COMMD1: variants seen among roughly 807,000 people sequenced by gnomAD.
The protein encoded by COMMD1 is copper metabolism domain containing 1.
Under a neutral mutation model 17.2 loss-of-function variants are expected in COMMD1, and 10 were observed. The ratio of observed to expected loss-of-function variants is 0.58; its 90% CI spans 0.36 to 0.99. The LOEUF is 0.99. Among genes scored for constraint, COMMD1 ranks in the 50% least tolerant of loss-of-function variants. The probability of loss-of-function intolerance (pLI) is 0.01; values close to 1 mark genes in which losing one functional copy is unlikely to be tolerated. For missense variants in COMMD1, 270 were observed against 231.8 expected (o/e 1.17, Z -1.07); for synonymous variants, 97 against 91.6 (o/e 1.06, Z -0.34).
intron 1 of COMMD1, among the ~76,000 whole-genome samples, chr2:61,889,238 G>A (rs1239857920): frequency 3.9e-5 from 4 of 102,122 alleles, no homozygotes; most frequent in African/African-American, 1.6e-4. Context: ...ACAGAGTCTC[G>A]CTCTGTCGTC....
intron 2 of COMMD1, among the ~76,000 whole-genome samples, chr2:62,005,092 AC>A (rs977551523): frequency 2.0e-5 from 3 of 152,058 alleles, no homozygotes; most frequent in Non-Finnish European, 2.9e-5. Context: ...CTCAGACCTT[AC>A]CCCCAGCCAA....
chr2:62,030,022 T>G (rs79378106), intron 2 of COMMD1, among the ~76,000 whole-genome samples: 1,845 of 152,362 alleles, frequency 0.012, 42 homozygotes, highest in African/African-American at 0.043. Context: ...TGGACAGCCA[T>G]GTAGAAACAT....
At chr2:61,951,872 T>A (rs1671063517) in intron 1 of COMMD1, among the ~76,000 whole-genome samples, 1 of 152,266 alleles carries the variant, frequency 6.6e-6, no homozygotes, top group Non-Finnish European at 1.5e-5. Context: ...TAGAGTTTTA[T>A]ATAAATGGAA....
chr2:62,113,366 A>G (rs1672508825), intron 2 of COMMD1, among the ~76,000 whole-genome samples: 1 of 151,926 alleles, frequency 6.6e-6, no homozygotes, highest in Non-Finnish European at 1.5e-5. Flanking sequence ...AAATATATAT[A>G]TATGTATATG....
chr2:61,922,779 A>T (rs1670231844), intron 1 of COMMD1, among the ~76,000 whole-genome samples: 2 of 152,356 alleles, frequency 1.3e-5, no homozygotes, highest in South Asian at 2.1e-4. Context: ...CTTCTGGCCA[A>T]AGATTGTATA....
chr2:61,974,671 C>CAAA (rs1276306424), intron 1 of COMMD1, among the ~76,000 whole-genome samples: 1 of 52,282 alleles, frequency 1.9e-5, no homozygotes, highest in Non-Finnish European at 4.0e-5. Context: ...GACTCCATCT[C>CAAA]AAAAAAAAAA....
At chr2:61,894,014 T>C (rs1669499539) in intron 1 of COMMD1, among the ~76,000 whole-genome samples, 1 of 152,136 alleles carries the variant, frequency 6.6e-6, no homozygotes, top group African/African-American at 2.4e-5. Context: ...ACTCTTATGA[T>C]TGTGCCTGTG....
At chr2:62,130,124 G>C (rs1257439563) in intron 2 of COMMD1, among the ~76,000 whole-genome samples, 3 of 148,176 alleles carry the variant, frequency 2.0e-5, no homozygotes, top group Non-Finnish European at 3.0e-5. Flanking sequence ...GCAATGAGCC[G>C]AGATCGCGCC....
intron 2 of COMMD1, among the ~76,000 whole-genome samples, chr2:62,024,692 TTAATG>T (rs527584427): frequency 6.8e-4 from 104 of 152,336 alleles, no homozygotes; most frequent in African/African-American, 2.3e-3. Context: ...CCTTATGTAA[TTAATG>T]TAAGCTACCT....
chr2:61,919,509 A>G (rs1670132417), intron 1 of COMMD1, among the ~76,000 whole-genome samples: 1 of 148,292 alleles, frequency 6.7e-6, no homozygotes, highest in Non-Finnish European at 1.5e-5. Flanking sequence ...TTTTGTAGAG[A>G]CAGGGTTTTG....
At chr2:61,924,645 A>G (rs1670281121) in intron 1 of COMMD1, among the ~76,000 whole-genome samples, 1 of 152,176 alleles carries the variant, frequency 6.6e-6, no homozygotes, top group African/African-American at 2.4e-5. Flanking sequence ...GCCTGAACAT[A>G]AGGAATCTCA....
At chr2:62,082,255 A>G (rs1336346271) in intron 2 of COMMD1, among the ~76,000 whole-genome samples, 1 of 152,232 alleles carries the variant, frequency 6.6e-6, no homozygotes, top group Non-Finnish European at 1.5e-5. Context: ...TTCTAAATGC[A>G]TACATACTTT....
In COMMD1 at chr2:62,078,910, A is replaced by G. The variant is rs567841402; in HGVS notation, c.463-56921A>G. 3.3e-5 allele frequency among the ~76,000 whole-genome samples: 5 copies of G among 152,168 alleles called. No homozygotes were observed. The South Asian group carries it at 8.3e-4, about 25-fold the overall frequency. On this transcript the variant is annotated intron_variant, in intron 2 of 2. Coordinates refer to ENST00000311832, the MANE Select transcript of COMMD1 (RefSeq NM_152516.4). ...AAAAAAAAAAGAATTGTGGTGACCAAAGTTTTTATTTGCAGAGGAAGCCTT... is the reference window on the plus strand; with the variant it reads ...AAAAAAAAAAGAATTGTGGTGACCAGAGTTTTTATTTGCAGAGGAAGCCTT...
chr2:62,132,963 A>AT (rs1487424475), intron 2 of COMMD1, among the ~76,000 whole-genome samples: 3 of 152,224 alleles, frequency 2.0e-5, no homozygotes, highest in Non-Finnish European at 2.9e-5. Context: ...TTTGTCATAA[A>AT]TCTGCTTTTC....
chr2:61,942,528 A>G (rs1008733512), intron 1 of COMMD1, among the ~76,000 whole-genome samples: 1 of 144,796 alleles, frequency 6.9e-6, no homozygotes, highest in Non-Finnish European at 1.5e-5. Flanking sequence ...GGGGTGAGCC[A>G]CTGTGCCTGG....
intron 1 of COMMD1, among the ~76,000 whole-genome samples, chr2:61,895,018 C>T (rs1669524501): frequency 6.6e-6 from 1 of 152,030 alleles, no homozygotes; most frequent in Non-Finnish European, 1.5e-5. Context: ...TAAAATAGTA[C>T]CATGAGGATG....
chr2:61,891,368 T>C (rs1315448009), intron 1 of COMMD1, among the ~76,000 whole-genome samples: 1 of 152,228 alleles, frequency 6.6e-6, no homozygotes, highest in Non-Finnish European at 1.5e-5. Context: ...AGTAAATAAA[T>C]GTTAAACATC....
intron 2 of COMMD1, among the ~76,000 whole-genome samples, chr2:62,080,128 G>A (rs1021704896): frequency 2.6e-5 from 4 of 152,050 alleles, no homozygotes; most frequent in Non-Finnish European, 5.9e-5. Flanking sequence ...ATATGCTTCC[G>A]AAGAATGTCC....
intron 2 of COMMD1, among the ~76,000 whole-genome samples, chr2:62,025,304 T>A (rs932743236): frequency 1.3e-5 from 2 of 151,088 alleles, no homozygotes; most frequent in African/African-American, 4.9e-5. Context: ...GGCAGGAGGA[T>A]CATGTTAGGC....
Sources: gnomAD v4.1 joint callset for allele counts (sites outside exome capture counted in the v4.1 genomes callset) on GRCh38, gnomAD v4.1.1 for gene constraint, MANE v1.5 for transcripts, NCBI Gene and HGNC (gene_info 2026-07-23, HGNC 2026-07-21) for gene names.